ZNF292: variants seen among roughly 807,000 people sequenced by gnomAD.
ZNF292 encodes 16 zinc-finger domain protein.
ZNF292 carries 26 observed loss-of-function variants against 217.9 expected under a neutral mutation model. That is an observed-to-expected ratio of 0.12 (90% CI 0.09 to 0.17). The LOEUF (loss-of-function observed/expected upper bound fraction) is 0.17, where lower values mean the gene tolerates loss of function less well. Ranked by LOEUF, ZNF292 falls within the 10% of genes least tolerant of loss-of-function variation. The pLI is 1.00. For synonymous variants in ZNF292, 1,257 were observed against 1,124.1 expected (o/e 1.12, Z -2.37); for missense variants, 2,904 against 3,175.2 (o/e 0.91, Z 2.05).
intron 5 of ZNF292, among the ~76,000 whole-genome samples, chr6:87,237,142 A>C (rs1773943296): frequency 1.3e-5 from 2 of 151,602 alleles, no homozygotes; most frequent in Admixed American, 6.6e-5. Context: ...ATTTTGATTA[A>C]CTCTTGATTT....
chr6:87,158,291 TGG>T (rs1562114922), intron 1 of ZNF292, among the ~76,000 whole-genome samples: 1 of 152,216 alleles, frequency 6.6e-6, no homozygotes, highest in African/African-American at 2.4e-5. Flanking sequence ...GAACATTTTC[TGG>T]GGTGGGGTTT....
intron 1 of ZNF292, among the ~76,000 whole-genome samples, chr6:87,171,571 A>G (rs1771099534): frequency 6.6e-6 from 1 of 152,170 alleles, no homozygotes; most frequent in Admixed American, 6.5e-5. Flanking sequence ...TAGATCCAAA[A>G]TGTTCCCTCA....
intron 1 of ZNF292, among the ~76,000 whole-genome samples, chr6:87,184,813 G>T (rs1418004294): frequency 6.6e-6 from 1 of 152,116 alleles, no homozygotes; most frequent in Non-Finnish European, 1.5e-5. Flanking sequence ...GGACCCTGAG[G>T]GGCTGCTTAG....
chr6:87,260,211 G>A lies in ZNF292; in HGVS notation c.6582G>A (p.Met2194Ile). Residue 2194 changes from methionine (M) to isoleucine (I), a missense_variant, in exon 8 of 8, where the codon ATG becomes ATA. Around this residue, in one of 15 missense-constraint regions of ZNF292, gnomAD observed 261 missense variants for 272.8 expected, o/e 0.96. Transcript: ENST00000369577. ...TTACTGGCCTAATACAACACTACAT[G>A]AAACTTCATGAAATGACTCCTGAAG... is the stretch of plus-strand genomic sequence containing the variant. ...QAITGLIQHY[M>I]KLHEMTPEEI... is the part of the protein sequence containing the mutation. 6.2e-7 allele frequency: 1 copy of A among 1,613,584 alleles called. No homozygotes were observed. Among genetic ancestry groups the A allele is most frequent in the Non-Finnish European group, 8.5e-7 (1 of 1,179,628 alleles).
At chr6:87,243,377 AAAAACTATCTAAAT>A in intron 5 of ZNF292, 84 bp from the exon 6 acceptor site, 1 of 1,079,652 alleles carries the variant, frequency 9.3e-7, no homozygotes, top group Non-Finnish European at 1.2e-6. Context: ...TTTTATTCAT[AAAAACTATCTAAAT>A]ATTTAATGAA....
intron 1 of ZNF292, among the ~76,000 whole-genome samples, chr6:87,210,672 C>A (rs973171283): frequency 6.6e-6 from 1 of 152,036 alleles, no homozygotes; most frequent in East Asian, 1.9e-4. Context: ...CCCAACTACA[C>A]GGGAGGCTGA....
intron 1 of ZNF292, among the ~76,000 whole-genome samples, chr6:87,203,390 G>T (rs1443081268): frequency 6.6e-6 from 1 of 151,842 alleles, no homozygotes; most frequent in Non-Finnish European, 1.5e-5. Flanking sequence ...TGATCCACCC[G>T]CCTCAGCCTA....
At chr6:87,230,590 C>A (rs911536740) in intron 4 of ZNF292, among the ~76,000 whole-genome samples, 2 of 151,838 alleles carry the variant, frequency 1.3e-5, no homozygotes, top group African/African-American at 4.8e-5. Flanking sequence ...AAAAATTAGC[C>A]GGGCGTGGTG....
rs750068916 is a variant in ZNF292 at position 87,258,839 on chromosome 6, C to T, written c.5210C>T (p.Thr1737Ile). The T allele has an allele frequency of 1.2e-6, 2 of 1,611,736 alleles. No homozygotes were observed. The highest frequency in any genetic ancestry group is 8.5e-7 in the Non-Finnish European group (1 of 1,178,786). ...CAAATGATGGCTTTGAATTCATGCACAACTTCAATAAATTCTGATTTGCAG... is the reference window on the plus strand; with the variant it reads ...CAAATGATGGCTTTGAATTCATGCATAACTTCAATAAATTCTGATTTGCAG... ...DSQMMALNSC[T>I]TSINSDLQIS... Residue 1737 changes from threonine to isoleucine, a missense_variant, in exon 8 of 8, where the codon ACA becomes ATA. By Grantham distance (89) the Thr-to-Ile change is moderately conservative. Coordinates refer to ENST00000369577, the MANE Select transcript of ZNF292 (RefSeq NM_015021.3).
Position 87,261,706 on chromosome 6 carries a change from A to T in ZNF292, c.8077A>T (p.Ser2693Cys), listed in dbSNP as rs148287245. The T allele has an allele frequency of 2.5e-6, 4 of 1,613,176 alleles. No individual in the cohort carries two copies. The East Asian group carries it at 6.7e-5, about 27-fold the overall frequency. ...KQLQEMKPTV[S>C]LKKLEVHSND... is the part of the protein sequence containing the mutation. The stretch of plus-strand genomic sequence containing the variant: ...ACTTCAGGAAATGAAACCTACCGTC[A>T]GTCTGAAAAAACTTGAAGTACATTC... The change falls in exon 8 of 8, where the codon AGT becomes TGT. Residue 2693 changes from serine (S) to cysteine (C), a missense_variant. Ser to Cys is a moderately radical substitution (Grantham distance 112). Around this residue, in one of 15 missense-constraint regions of ZNF292, gnomAD observed 380 missense variants for 355.3 expected, o/e 1.07. Coordinates refer to ENST00000369577, the MANE Select transcript of ZNF292 (RefSeq NM_015021.3).
At chr6:87,241,439 T>G (rs1774281402) in intron 5 of ZNF292, among the ~76,000 whole-genome samples, 1 of 135,948 alleles carries the variant, frequency 7.4e-6, no homozygotes, top group Admixed American at 8.0e-5. Flanking sequence ...TTTTTTTTTT[T>G]GAGACCGAGT....
intron 5 of ZNF292, 81 bp downstream of exon 5, chr6:87,233,608 T>C: frequency 6.5e-7 from 1 of 1,540,266 alleles, no homozygotes; most frequent in Non-Finnish European, 8.7e-7. Context: ...GATTTCCTTT[T>C]CTCTTAGATA....
rs1157889426 is a variant in ZNF292 at position 87,257,090 on chromosome 6, T to C, written c.3461T>C (p.Val1154Ala). 1 of 1,613,898 alleles carries C rather than the reference T, an allele frequency of 6.2e-7. No individual in the cohort carries two copies. The highest frequency in any genetic ancestry group is 8.5e-7 in the Non-Finnish European group (1 of 1,179,848). Residue 1154 changes from valine to alanine, a missense_variant, in exon 8 of 8, where the codon GTT (valine) becomes GCT (alanine). Around this residue, in one of 15 missense-constraint regions of ZNF292, gnomAD observed 687 missense variants for 623.0 expected, o/e 1.10. Coordinates refer to ENST00000369577, the MANE Select transcript of ZNF292 (RefSeq NM_015021.3). ...NLNTPNNGKF[V>A]YFLPSPVNSS... ...AATACACCAAATAATGGAAAGTTTG[T>C]TTATTTTTTGCCATCACCGGTGAAC... is the stretch of plus-strand genomic sequence containing the variant.
At chr6:87,189,938 A>T (rs970958622) in intron 1 of ZNF292, among the ~76,000 whole-genome samples, 1 of 152,136 alleles carries the variant, frequency 6.6e-6, no homozygotes, top group Non-Finnish European at 1.5e-5. Context: ...CATTATATTT[A>T]TTCAGTGATT....
At chr6:87,224,755 C>T (rs377668038) in intron 4 of ZNF292, among the ~76,000 whole-genome samples, 2 of 152,248 alleles carry the variant, frequency 1.3e-5, no homozygotes, top group South Asian at 4.1e-4. Flanking sequence ...AACTGTGGTA[C>T]AGCCATGTAA....
At chr6:87,242,396 A>G (rs1192315577) in intron 5 of ZNF292, among the ~76,000 whole-genome samples, 2 of 152,130 alleles carry the variant, frequency 1.3e-5, no homozygotes, top group Non-Finnish European at 2.9e-5. Flanking sequence ...CTGTGAACCT[A>G]TTGCCCCACA....
intron 3 of ZNF292, among the ~76,000 whole-genome samples, chr6:87,218,393 T>A (rs1309641128): frequency 6.6e-6 from 1 of 152,176 alleles, no homozygotes; most frequent in Non-Finnish European, 1.5e-5. Context: ...AAATACATTA[T>A]ATTTATTTAA....
chr6:87,193,367 A>G (rs1482514297), intron 1 of ZNF292, among the ~76,000 whole-genome samples: 1 of 152,060 alleles, frequency 6.6e-6, no homozygotes, highest in African/African-American at 2.4e-5. Flanking sequence ...GAATATGACG[A>G]AAAACATTTC....
chr6:87,212,222 A>G (rs539694803), intron 1 of ZNF292, among the ~76,000 whole-genome samples: 1 of 152,340 alleles, frequency 6.6e-6, no homozygotes, highest in Admixed American at 6.5e-5. Context: ...CAAGCACCAG[A>G]GCCTGTCTCT....
Sources: gnomAD v4.1 joint callset for allele counts (sites outside exome capture counted in the v4.1 genomes callset) on GRCh38, gnomAD v4.1.1 for gene constraint, gnomAD v4.1.1 regional missense constraint, MANE v1.5 for transcripts, NCBI Gene and HGNC (gene_info 2026-07-23, HGNC 2026-07-21) for gene names.